The following GPR158 variants were observed in gnomAD, a reference collection of about 807,000 sequenced individuals.
GPR158 encodes the protein G protein-coupled receptor 158, also known as metabotropic glycine receptor.
GPR158 carries 30 observed loss-of-function variants against 78.2 expected under a neutral mutation model. That is an observed-to-expected ratio of 0.38 (90% CI 0.29 to 0.52). The LOEUF (loss-of-function observed/expected upper bound fraction) is 0.52. GPR158 is among the 20% of genes least tolerant of loss of function. The probability of loss-of-function intolerance (pLI) is 0.83; values close to 1 mark genes in which losing one functional copy is unlikely to be tolerated. For missense variants in GPR158, 1,463 were observed against 1,523.5 expected (o/e 0.96, Z 0.66); for synonymous variants, 581 against 591.1 (o/e 0.98, Z 0.25).
chr10:25,551,090 A>G lies in GPR158; in HGVS notation c.1514+5A>G. ...TGTCACTCTCAAACTTCACAGGTATATACATTTTATTCATCGTCATTCTCA... is the reference window on the plus strand; with the variant it reads ...TGTCACTCTCAAACTTCACAGGTATGTACATTTTATTCATCGTCATTCTCA... On this transcript the variant is annotated splice_donor_5th_base_variant and intron_variant, in intron 6 of 10. Transcript: ENST00000376351. 7.1e-7 allele frequency: 1 copy of G among 1,417,780 alleles called. No individual in the cohort carries two copies. The highest frequency in any genetic ancestry group is 1.1e-5 in the South Asian group (1 of 87,116). 87.8% of individuals were successfully genotyped at this position (1,417,780 alleles called of 1,614,324 possible).
At chr10:25,209,451 C>T (rs1853098170) in intron 1 of GPR158, among the ~76,000 whole-genome samples, 1 of 112,514 alleles carries the variant, frequency 8.9e-6, no homozygotes, top group Non-Finnish European at 1.8e-5. Flanking sequence ...TGTATCTTTA[C>T]TTCTGTTTTT....
At chr10:25,496,105 G>T (rs548272112) in intron 5 of GPR158, among the ~76,000 whole-genome samples, 1 of 152,216 alleles carries the variant, frequency 6.6e-6, no homozygotes, top group East Asian at 1.9e-4. Flanking sequence ...AGGATTTAAG[G>T]CTAATTCAGT....
chr10:25,313,254 G>T (rs1463736544), intron 2 of GPR158, among the ~76,000 whole-genome samples: 2 of 118,624 alleles, frequency 1.7e-5, no homozygotes, highest in African/African-American at 6.4e-5. Flanking sequence ...GTTGTGGGGT[G>T]GGGGGAGGGG....
chr10:25,356,749 C>T (rs1253920650), intron 2 of GPR158, among the ~76,000 whole-genome samples: 1 of 152,030 alleles, frequency 6.6e-6, no homozygotes, highest in Non-Finnish European at 1.5e-5. Flanking sequence ...TGTAAACTGT[C>T]CAGTCTCTGG....
chr10:25,334,145 T>C (rs1855165127), intron 2 of GPR158, among the ~76,000 whole-genome samples: 2 of 152,084 alleles, frequency 1.3e-5, no homozygotes, highest in Admixed American at 1.3e-4. Flanking sequence ...TAAAATGGAA[T>C]TTTTAAAAAG....
At chr10:25,387,957 C>T (rs1834245095) in intron 2 of GPR158, among the ~76,000 whole-genome samples, 1 of 141,760 alleles carries the variant, frequency 7.1e-6, no homozygotes, top group Admixed American at 7.1e-5. Context: ...AATCTCCTTA[C>T]TAGTTATATA....
chr10:25,429,862 A>G (rs1163745629), intron 4 of GPR158, among the ~76,000 whole-genome samples: 1 of 141,436 alleles, frequency 7.1e-6, no homozygotes, highest in East Asian at 2.0e-4. Context: ...GACGTATCTC[A>G]AAATAATAAG....
intron 5 of GPR158, 43 bp from the exon 6 acceptor site, chr10:25,550,933 C>A (rs770806426): frequency 3.1e-6 from 3 of 967,868 alleles, no homozygotes; most frequent in South Asian, 1.3e-5. Context: ...GTCTGTGGGT[C>A]ATCAGTTGAT....
chr10:25,594,101 G>A (rs1837372505), intron 8 of GPR158, 191 bp from the exon 9 acceptor site: 1 of 487,612 alleles, frequency 2.1e-6, no homozygotes, highest in Admixed American at 3.8e-5. Flanking sequence ...ATAATAAAGG[G>A]TTCATATATT....
chr10:25,450,979 T>G (rs201554206), intron 4 of GPR158, among the ~76,000 whole-genome samples: 53,419 of 95,292 alleles, frequency 0.56, 14,691 homozygotes, highest in East Asian at 0.78. Context: ...ATATATGTGT[T>G]TTTTTTTTAA....
At chr10:25,507,716 AAT>A (rs1271698022) in intron 5 of GPR158, among the ~76,000 whole-genome samples, 1 of 152,236 alleles carries the variant, frequency 6.6e-6, no homozygotes, top group Non-Finnish European at 1.5e-5. Flanking sequence ...GTTATTTTAA[AAT>A]AAAATTATCA....
chr10:25,320,540 C>T (rs1358348769), intron 2 of GPR158, among the ~76,000 whole-genome samples: 5 of 152,186 alleles, frequency 3.3e-5, no homozygotes, highest in Non-Finnish European at 4.4e-5. Flanking sequence ...TTGGCAATTG[C>T]AGTGCCTAAT....
chr10:25,408,867 C>T (rs190869734), intron 3 of GPR158, among the ~76,000 whole-genome samples: 247 of 152,252 alleles, frequency 1.6e-3, no homozygotes, highest in Non-Finnish European at 2.8e-3. Flanking sequence ...TATCATGCTT[C>T]GCACTTCCTG....
intron 7 of GPR158, among the ~76,000 whole-genome samples, chr10:25,577,355 G>T (rs928296111): frequency 6.6e-6 from 1 of 152,142 alleles, no homozygotes; most frequent in African/African-American, 2.4e-5. Context: ...GAGGCAATAG[G>T]CTTAACCGTG....
At chr10:25,200,286 T>C (rs1357417735) in intron 1 of GPR158, among the ~76,000 whole-genome samples, 1 of 152,110 alleles carries the variant, frequency 6.6e-6, no homozygotes, top group African/African-American at 2.4e-5. Flanking sequence ...ATTTTTTTCA[T>C]GTGCTCATTA....
intron 2 of GPR158, among the ~76,000 whole-genome samples, chr10:25,380,292 G>T (rs1834137038): frequency 6.6e-6 from 1 of 152,056 alleles, no homozygotes; most frequent in South Asian, 2.1e-4. Context: ...ATTTTACGTT[G>T]ATCACTGTTG....
intron 5 of GPR158, among the ~76,000 whole-genome samples, chr10:25,537,910 A>G (rs1336021347): frequency 6.6e-6 from 1 of 152,130 alleles, no homozygotes; most frequent in Non-Finnish European, 1.5e-5. Context: ...CTCCCCAGCC[A>G]TGCTTCCTGT....
intron 2 of GPR158, among the ~76,000 whole-genome samples, chr10:25,334,842 T>A (rs773770061): frequency 1.3e-5 from 2 of 151,994 alleles, no homozygotes; most frequent in African/African-American, 2.4e-5. Context: ...TTAGTCTATT[T>A]GATATTTCCA....
chr10:25,489,039 T>A (rs80107520), intron 5 of GPR158, among the ~76,000 whole-genome samples: 5 of 152,140 alleles, frequency 3.3e-5, no homozygotes, highest in Non-Finnish European at 5.9e-5. Flanking sequence ...TTTTAATGTA[T>A]AACAAAATGC....
Sources: gnomAD v4.1 joint callset for allele counts (sites outside exome capture counted in the v4.1 genomes callset) on GRCh38, gnomAD v4.1.1 for gene constraint, MANE v1.5 for transcripts, NCBI Gene and HGNC (gene_info 2026-07-23, HGNC 2026-07-21) for gene names.